Variants in DAB1 observed in about 807,000 individuals in gnomAD.
The protein encoded by DAB1 is disabled homolog 1.
A neutral mutation model predicts 64.6 loss-of-function variants in DAB1; 15 were observed. The ratio of observed to expected loss-of-function variants is 0.23; its 90% CI spans 0.16 to 0.36. The LOEUF is 0.36. DAB1 is among the 10% of genes least tolerant of loss of function. The pLI, the probability that DAB1 is intolerant of heterozygous loss-of-function variation, is 1.00. For missense variants in DAB1, 596 were observed against 706.7 expected (o/e 0.84, Z 1.78); for synonymous variants, 235 against 251.9 (o/e 0.93, Z 0.64).
chr1:57,451,739 G>A (rs1686375481), intron 7 of DAB1, among the ~76,000 whole-genome samples: 2 of 152,146 alleles, frequency 1.3e-5, no homozygotes, highest in African/African-American at 4.8e-5. Context: ...AATCAGCAGG[G>A]AGGATTTGAT....
Position 57,227,518 on chromosome 1 carries a change from T to TG in DAB1, c.67+63445_67+63446insC, listed in dbSNP as rs1557980012. ...GAAGTGGAGGCAGGATTTTTTTTCT[T>TG]TTGTGTGTGTGTGTGTGTGTGTGTG... On this transcript the variant is annotated intron_variant, in intron 2 of 14. Coordinates refer to ENST00000371236, the MANE Select transcript of DAB1 (RefSeq NM_001365792.1). Among the ~76,000 whole-genome samples the TG allele has an allele frequency of 7.4e-4, 99 of 133,066 alleles. 1 individual carries two copies. The highest frequency in any genetic ancestry group is 2.7e-3 in the African/African-American group (87 of 31,926). 87.3% of individuals were successfully genotyped at this position (133,066 alleles called of 152,430 possible).
At position 58,091,605 on chromosome 1, in the gene DAB1, T is replaced by G. The variant is rs563322472; in HGVS notation, n.387+58906A>C. On this transcript the variant is annotated intron_variant and non_coding_transcript_variant, in intron 5 of 20. Transcript: ENST00000485760. ...AAATCACAGACATGAGATCCATCAA[T>G]GTGATATCATTACCAGGCATTACAG... Among the ~76,000 whole-genome samples the G allele has an allele frequency of 3.3e-5, 5 of 152,292 alleles. No homozygotes were observed. In the East Asian group the frequency reaches 9.7e-4, roughly 29 times the overall value.
chr1:58,527,116 A>G (rs997687455), intron 2 of DAB1: 7 of 586,962 alleles, frequency 1.2e-5, no homozygotes, highest in East Asian at 2.8e-5. Context: ...ATAATCTTCA[A>G]ATTTCTAGAT....
intron 6 of DAB1, among the ~76,000 whole-genome samples, chr1:57,726,804 C>A (rs146058249): frequency 6.6e-4 from 101 of 152,310 alleles, no homozygotes; most frequent in African/African-American, 1.9e-3. Flanking sequence ...CCCAGGCAAC[C>A]TGGCTGCCAA....
chr1:58,211,427 G>A (rs1475396455), intron 4 of DAB1, among the ~76,000 whole-genome samples: 1 of 152,118 alleles, frequency 6.6e-6, no homozygotes, highest in Non-Finnish European at 1.5e-5. Flanking sequence ...AACTTTTTCT[G>A]ATGATCACAC....
chr1:57,086,063 T>C (rs1030650425), intron 4 of DAB1, among the ~76,000 whole-genome samples: 8 of 152,112 alleles, frequency 5.3e-5, no homozygotes, highest in African/African-American at 1.4e-4. Flanking sequence ...GGGCAGTGAG[T>C]GACAGTCTTT....
chr1:57,262,658 C>T lies in DAB1; in HGVS notation c.67+28306G>A, dbSNP rs553058895. On this transcript the variant is annotated intron_variant, in intron 2 of 14. Transcript: ENST00000371236. ...TTTGAATTTGTAAGAGACTCATTTG[C>T]ATCCAGACTGATCACTGGTGTGATG... Among the ~76,000 whole-genome samples, 61 of 152,336 alleles carry T rather than the reference C, an allele frequency of 4.0e-4. No homozygotes were observed. In the South Asian group the frequency reaches 9.9e-3, roughly 25 times the overall value.
chr1:58,169,134 G>T (rs1457914062), intron 4 of DAB1, among the ~76,000 whole-genome samples: 2 of 152,190 alleles, frequency 1.3e-5, no homozygotes, highest in Non-Finnish European at 2.9e-5. Flanking sequence ...TGTTTCTGCT[G>T]CTGTGTCAGT....
At chr1:57,563,362 G>A (rs545349922) in intron 7 of DAB1, among the ~76,000 whole-genome samples, 27 of 152,328 alleles carry the variant, frequency 1.8e-4, no homozygotes, top group African/African-American at 6.3e-4. Flanking sequence ...CCCAGCATGA[G>A]CGACGCAGAA....
intron 7 of DAB1, among the ~76,000 whole-genome samples, chr1:57,616,956 G>A (rs1209523253): frequency 6.6e-6 from 1 of 152,150 alleles, no homozygotes; most frequent in African/African-American, 2.4e-5. Context: ...CTGAGGGTAC[G>A]CAAAGGAATT....
intron 7 of DAB1, among the ~76,000 whole-genome samples, chr1:57,638,469 C>T (rs1026884268): frequency 1.2e-4 from 19 of 152,196 alleles, no homozygotes; most frequent in Non-Finnish European, 2.1e-4. Flanking sequence ...TCCCCAGATC[C>T]TACCATGCAA....
At chr1:57,483,238 C>A (rs1046551555) in intron 7 of DAB1, among the ~76,000 whole-genome samples, 6 of 152,116 alleles carry the variant, frequency 3.9e-5, no homozygotes, top group African/African-American at 1.2e-4. Flanking sequence ...TTGGCTGTGT[C>A]CCCACCCAAA....
At chr1:57,135,733 G>A (rs1658026580) in intron 4 of DAB1, among the ~76,000 whole-genome samples, 1 of 152,138 alleles carries the variant, frequency 6.6e-6, no homozygotes, top group Non-Finnish European at 1.5e-5. Context: ...AATGACCAAG[G>A]TAATGTAACT....
intron 4 of DAB1, among the ~76,000 whole-genome samples, chr1:57,118,485 T>C (rs1243980994): frequency 6.6e-6 from 1 of 152,106 alleles, no homozygotes; most frequent in Non-Finnish European, 1.5e-5. Context: ...ACTGGGAGAC[T>C]AACAGGGATG....
At chr1:57,435,465 A>T (rs987866367) in intron 7 of DAB1, among the ~76,000 whole-genome samples, 1 of 152,210 alleles carries the variant, frequency 6.6e-6, no homozygotes, top group Non-Finnish European at 1.5e-5. Context: ...AGCTTAAAAC[A>T]TAAACACATT....
chr1:57,073,794 C>CA (rs1268564408), intron 4 of DAB1, among the ~76,000 whole-genome samples: 1 of 152,168 alleles, frequency 6.6e-6, no homozygotes, highest in Non-Finnish European at 1.5e-5. Context: ...TTCAAAATCT[C>CA]AAAAAACTAA....
intron 4 of DAB1, among the ~76,000 whole-genome samples, chr1:58,202,494 T>A (rs2100267294): frequency 6.6e-6 from 1 of 152,340 alleles, no homozygotes; most frequent in East Asian, 1.9e-4. Context: ...GCTGAGCTGG[T>A]CTGTAACTGC....
chr1:58,407,827 A>C (rs1644630657), intron 3 of DAB1, among the ~76,000 whole-genome samples: 1 of 152,192 alleles, frequency 6.6e-6, no homozygotes. Flanking sequence ...TTAAAAATCA[A>C]GTCACTTTCT....
In DAB1 at chr1:57,912,533, A is replaced by G. The variant is rs968568036; in HGVS notation, n.388-28371T>C. Among the ~76,000 whole-genome samples the G allele has an allele frequency of 3.3e-5, 5 of 152,320 alleles. No homozygotes were observed. The East Asian group carries it at 9.6e-4, about 29-fold the overall frequency. On this transcript the variant is annotated intron_variant and non_coding_transcript_variant, in intron 5 of 20. Transcript: ENST00000485760. ...AAGCATTCCCTTTGAAAACTGGCAC[A>G]AGACAGGGATGCCCTCTCTCACCAC...
Sources: allele counts gnomAD v4.1 joint callset (sites outside exome capture counted in the v4.1 genomes callset), GRCh38; gene constraint gnomAD v4.1.1; transcripts MANE v1.5; gene names NCBI Gene and HGNC (gene_info 2026-07-23, HGNC 2026-07-21).